Variants in FIG4 observed in about 807,000 individuals in gnomAD.
FIG4 encodes the protein FIG4 phosphoinositide 5-phosphatase, also known as polyphosphoinositide phosphatase.
In FIG4, 112 loss-of-function variants were observed where a neutral mutation model predicts 118.6. The ratio of observed to expected loss-of-function variants is 0.94; its 90% CI spans 0.81 to 1.11. The LOEUF (loss-of-function observed/expected upper bound fraction) is 1.11. Ranked by LOEUF, FIG4 falls within the 50% of genes least tolerant of loss-of-function variation. FIG4 has a pLI of 0.00. For synonymous variants in FIG4, 369 were observed against 381.2 expected, an observed-to-expected ratio of 0.97 and a Z score of 0.37; for missense variants, 969 against 1,111.7, an observed-to-expected ratio of 0.87 and a Z score of 1.83.
At chr6:109,714,879 C>T (rs1382961627) in intron 1 of FIG4, among the ~76,000 whole-genome samples, 199 bp from the exon 2 acceptor site, 2 of 152,124 alleles carry the variant, frequency 1.3e-5, no homozygotes, top group African/African-American at 2.4e-5. Flanking sequence ...TATCATGAAA[C>T]CACTAGGAAT....
At chr6:109,793,485 T>C (rs1778194925) in intron 21 of FIG4, among the ~76,000 whole-genome samples, 1 of 152,202 alleles carries the variant, frequency 6.6e-6, no homozygotes, top group Non-Finnish European at 1.5e-5. Flanking sequence ...TTTGAGAAGA[T>C]AGATTTAGCA....
At chr6:109,715,952 C>T (rs117995205) in intron 2 of FIG4, among the ~76,000 whole-genome samples, 204 of 152,216 alleles carry the variant, frequency 1.3e-3, no homozygotes, top group Non-Finnish European at 1.7e-3. Flanking sequence ...TTCTTTGTTA[C>T]GATTTCCCAT....
intron 3 of FIG4, among the ~76,000 whole-genome samples, chr6:109,719,044 G>A (rs549165525): frequency 6.6e-6 from 1 of 151,352 alleles, no homozygotes; most frequent in Admixed American, 6.6e-5. Flanking sequence ...TCAGCCTCCC[G>A]AGTAGCTGGG....
intron 10 of FIG4, among the ~76,000 whole-genome samples, chr6:109,752,450 C>T (rs1025650861): frequency 4.6e-5 from 7 of 151,882 alleles, no homozygotes; most frequent in African/African-American, 1.7e-4. Flanking sequence ...TTTACAGTCC[C>T]ACCAACAGTG....
At chr6:109,815,495 G>GGGGGGGGGGGGC in intron 22 of FIG4, among the ~76,000 whole-genome samples, 1 of 89,246 alleles carries the variant, frequency 1.1e-5, no homozygotes, top group African/African-American at 3.5e-5. Context: ...ACTCCAGGCT[G>GGGGGGGGGGGGC]CCCCCCCCAC....
intron 18 of FIG4, among the ~76,000 whole-genome samples, chr6:109,789,218 A>C (rs923229954): frequency 4.6e-5 from 7 of 152,252 alleles, no homozygotes; most frequent in Non-Finnish European, 8.8e-5. Flanking sequence ...CAGATGGTAT[A>C]CATCTTAGCA....
intron 11 of FIG4, 126 bp from the exon 12 acceptor site, chr6:109,761,965 G>C (rs1777120235): frequency 2.9e-6 from 2 of 678,362 alleles, no homozygotes; most frequent in South Asian, 3.2e-5. Context: ...TCAAGTACCA[G>C]CCAAGAGATT....
chr6:109,729,196 C>G (rs573172068), intron 4 of FIG4, among the ~76,000 whole-genome samples: 23 of 152,116 alleles, frequency 1.5e-4, no homozygotes, highest in South Asian at 2.1e-4. Context: ...TTTACTAGAA[C>G]AGTTCACCAC....
intron 15 of FIG4, among the ~76,000 whole-genome samples, chr6:109,768,028 A>G (rs1289744721): frequency 2.0e-5 from 3 of 152,196 alleles, no homozygotes; most frequent in African/African-American, 7.2e-5. Context: ...ACTGTTGCAC[A>G]GCAGATCTGA....
Position 109,792,590 on chromosome 6 carries a change from C to T in FIG4, c.2385C>T (p.Val795=), listed in dbSNP as rs1259695264. Residue 795 remains valine, a synonymous_variant, in exon 21 of 23, where the codon GTC becomes GTT. Coordinates refer to ENST00000230124, the MANE Select transcript of FIG4 (RefSeq NM_014845.6). The stretch of plus-strand genomic sequence containing the variant: ...TTTTTTTTAAACCCCAGAATGTGGT[C>T]CAACCCATGAAGGAGCTATATGGAA... The part of the protein sequence containing the change: ...GDSAKVTENV[V]QPMKELYGIN... 6.3e-7 allele frequency: 1 copy of T among 1,594,842 alleles called. No homozygotes were observed. The highest frequency in any genetic ancestry group is 1.1e-5 in the South Asian group (1 of 90,390).
intron 10 of FIG4, among the ~76,000 whole-genome samples, chr6:109,750,696 G>A (rs1343892995): frequency 6.6e-6 from 1 of 152,096 alleles, no homozygotes; most frequent in Non-Finnish European, 1.5e-5. Context: ...TCCTTTACTT[G>A]TTAGGGGTCT....
chr6:109,746,408 C>T (rs1026538964), intron 10 of FIG4, among the ~76,000 whole-genome samples: 3 of 151,990 alleles, frequency 2.0e-5, no homozygotes, highest in East Asian at 1.9e-4. Context: ...TCCCTGAGGA[C>T]GGGATGAGTT....
At chr6:109,717,192 C>T (rs937729327) in intron 3 of FIG4, among the ~76,000 whole-genome samples, 21 of 152,210 alleles carry the variant, frequency 1.4e-4, no homozygotes, top group African/African-American at 4.6e-4. Context: ...GCTTCAGAGA[C>T]GAGGTTTCTG....
chr6:109,707,385 A>G (rs866541893), intron 1 of FIG4, among the ~76,000 whole-genome samples: 8 of 148,326 alleles, frequency 5.4e-5, no homozygotes, highest in Middle Eastern at 7.1e-3. Context: ...ATACATATAT[A>G]CACATATGTA....
At chr6:109,782,305 G>A (rs933234041) in intron 16 of FIG4, among the ~76,000 whole-genome samples, 10 of 152,060 alleles carry the variant, frequency 6.6e-5, no homozygotes, top group African/African-American at 1.2e-4. Flanking sequence ...GGGCTTAGTC[G>A]TCTTAGATGC....
intron 22 of FIG4, among the ~76,000 whole-genome samples, chr6:109,802,046 C>T (rs1036389058): frequency 3.3e-5 from 5 of 152,150 alleles, no homozygotes; most frequent in African/African-American, 1.2e-4. Context: ...CCTCCACAGG[C>T]GGAGATAATA....
rs1358117372 is a variant in FIG4, at chr6:109,786,412, G to C, written c.2059G>C (p.Asp687His). ...TCGGCCATATGAGTTGAGCAGCTTT[G>C]ATGATACCTTTTGCTTGGCTATGAC... ...FFRPYELSSFDDTFCLAMTSS... is the reference protein window; with the variant it reads ...FFRPYELSSFHDTFCLAMTSS... The change falls in exon 18 of 23, where the codon GAT becomes CAT. Residue 687 changes from aspartate (D) to histidine (H), a missense_variant. This residue lies in a region of FIG4 where 330 missense variants were observed against 348.1 expected (regional missense o/e 0.95). Coordinates refer to ENST00000230124, the MANE Select transcript of FIG4 (RefSeq NM_014845.6). 1 of 1,613,974 alleles carries C rather than the reference G, an allele frequency of 6.2e-7. No homozygotes were observed. The highest frequency in any genetic ancestry group is 8.5e-7 in the Non-Finnish European group (1 of 1,179,852).
intron 1 of FIG4, among the ~76,000 whole-genome samples, chr6:109,694,453 C>G (rs1774647484): frequency 6.6e-6 from 1 of 152,162 alleles, no homozygotes. Context: ...GGATTAAAGG[C>G]TTAAGTGCAA....
chr6:109,725,071 GAATTA>G (rs373372347), intron 3 of FIG4, among the ~76,000 whole-genome samples: 2,090 of 152,176 alleles, frequency 0.014, 20 homozygotes, highest in South Asian at 0.042. Context: ...AGGAATGAAT[GAATTA>G]AATTGTTTAG....
Sources: gnomAD v4.1 joint callset for allele counts (sites outside exome capture counted in the v4.1 genomes callset) on GRCh38, gnomAD v4.1.1 for gene constraint, gnomAD v4.1.1 regional missense constraint, MANE v1.5 for transcripts, NCBI Gene and HGNC (gene_info 2026-07-23, HGNC 2026-07-21) for gene names.